Variants in MANBA observed in about 807,000 individuals in gnomAD.
MANBA encodes beta-mannosidase.
MANBA carries 83 observed loss-of-function variants against 111.1 expected under a neutral mutation model. The ratio of observed to expected loss-of-function variants is 0.75; its 90% CI spans 0.63 to 0.90. The LOEUF (loss-of-function observed/expected upper bound fraction) is 0.90. Ranked by LOEUF, MANBA falls within the 40% of genes least tolerant of loss-of-function variation. MANBA has a pLI of 0.00. For synonymous variants in MANBA, 370 were observed against 378.7 expected (o/e 0.98, Z 0.27); for missense variants, 1,036 against 1,069.0 (o/e 0.97, Z 0.43).
chr4:102,672,990 A>T (rs1300838110), intron 8 of MANBA, among the ~76,000 whole-genome samples: 1 of 151,800 alleles, frequency 6.6e-6, no homozygotes, highest in East Asian at 1.9e-4. Context: ...TCACTTATTT[A>T]CCATGAATCC....
chr4:102,681,253 G>T, intron 7 of MANBA, among the ~76,000 whole-genome samples: 1 of 152,138 alleles, frequency 6.6e-6, no homozygotes, highest in Non-Finnish European at 1.5e-5. Context: ...GGATAAGGTA[G>T]GAGGATCACT....
At chr4:102,692,241 A>G (rs1732512685) in intron 5 of MANBA, among the ~76,000 whole-genome samples, 1 of 152,180 alleles carries the variant, frequency 6.6e-6, no homozygotes, top group Non-Finnish European at 1.5e-5. Context: ...CACTTGGAAA[A>G]GCCAGGAACA....
chr4:102,657,995 A>G (rs1488116013), intron 11 of MANBA, 95 bp from the exon 12 acceptor site: 7 of 927,192 alleles, frequency 7.5e-6, no homozygotes, highest in Non-Finnish European at 1.2e-5. Context: ...AGTCCCTGAA[A>G]TGCCAAGTAG....
intron 16 of MANBA, 119 bp downstream of exon 16, chr4:102,634,669 C>T: frequency 7.3e-7 from 1 of 1,361,670 alleles, no homozygotes; most frequent in Non-Finnish European, 1.0e-6. Context: ...CCCCAGGCCT[C>T]AGGTAAACTC....
In MANBA at chr4:102,731,734, C is replaced by T. The variant is rs555911297; in HGVS notation, c.178-5051G>A. The stretch of plus-strand genomic sequence containing the variant: ...GACATGATGGAGACCATCTGGCCCT[C>T]GAGGTCTAAAATATTTAGTATTTAG... On this transcript the variant is annotated intron_variant, in intron 1 of 16. Transcript: ENST00000647097. 3.3e-5 allele frequency among the ~76,000 whole-genome samples: 5 copies of T among 152,170 alleles called. 1 individual carries two copies. Among genetic ancestry groups the T allele is most frequent in the Admixed American group, 6.5e-5 (1 of 15,290 alleles).
At chr4:102,739,454 T>C (rs1284451883) in intron 1 of MANBA, among the ~76,000 whole-genome samples, 2 of 152,140 alleles carry the variant, frequency 1.3e-5, no homozygotes, top group African/African-American at 2.4e-5. Flanking sequence ...AATAATTATA[T>C]GAAGCCAGTA....
intron 4 of MANBA, among the ~76,000 whole-genome samples, chr4:102,721,709 T>C (rs1322568860): frequency 6.6e-6 from 1 of 152,106 alleles, no homozygotes; most frequent in Admixed American, 6.5e-5. Flanking sequence ...TATATAACAT[T>C]TCTAGGGGAA....
At chr4:102,664,618 G>A (rs1407557184) in intron 11 of MANBA, 67 bp downstream of exon 11, 25 of 1,426,516 alleles carry the variant, frequency 1.8e-5, no homozygotes, top group South Asian at 1.6e-4. Context: ...GATTACAGGC[G>A]TGAGCCACCA....
intron 5 of MANBA, among the ~76,000 whole-genome samples, chr4:102,710,329 A>AC (rs1312602891): frequency 3.3e-5 from 5 of 152,202 alleles, no homozygotes; most frequent in Non-Finnish European, 5.9e-5. Flanking sequence ...ACACAAAGTC[A>AC]ACATACAAAA....
At chr4:102,674,244 A>G (rs1211068162) in intron 7 of MANBA, among the ~76,000 whole-genome samples, 174 bp from the exon 8 acceptor site, 1 of 152,202 alleles carries the variant, frequency 6.6e-6, no homozygotes, top group Admixed American at 6.5e-5. Flanking sequence ...ACACATATAA[A>G]TTATTGCTAG....
At position 102,640,265 on chromosome 4, in the gene MANBA, A is replaced by C. The variant is rs951401673; in HGVS notation, c.1870-408T>G. On this transcript the variant is annotated intron_variant, in intron 13 of 16. Transcript: ENST00000647097. ...ACCTTCATAGCTATTTTTAAGAAAA[A>C]CTTTTACTAGAAAAAATTCTATAAG... is the stretch of plus-strand genomic sequence containing the variant. Among the ~76,000 whole-genome samples, 9 of 152,216 alleles carry C rather than the reference A, an allele frequency of 5.9e-5. No individual in the cohort carries two copies. The South Asian group carries it at 1.9e-3, about 32-fold the overall frequency.
intron 12 of MANBA, among the ~76,000 whole-genome samples, chr4:102,655,526 A>T (rs1730521814): frequency 6.6e-6 from 1 of 152,214 alleles, no homozygotes; most frequent in Admixed American, 6.5e-5. Flanking sequence ...ATTGATTTTC[A>T]GGGCCAAAAG....
intron 13 of MANBA, among the ~76,000 whole-genome samples, chr4:102,640,969 G>GA (rs1729854704): frequency 6.6e-6 from 1 of 152,090 alleles, no homozygotes; most frequent in Admixed American, 6.6e-5. Context: ...ACCCCTGCCA[G>GA]AAAAAAATGA....
At chr4:102,656,359 C>T (rs1406778312) in intron 12 of MANBA, among the ~76,000 whole-genome samples, 1 of 152,038 alleles carries the variant, frequency 6.6e-6, no homozygotes, top group Non-Finnish European at 1.5e-5. Flanking sequence ...CATGATTAGC[C>T]ATCAAGGATA....
At chr4:102,727,455 G>T in intron 1 of MANBA, 2 of 1,430,006 alleles carry the variant, frequency 1.4e-6, no homozygotes, top group Non-Finnish European at 2.0e-6. Context: ...GGGTCTCAGA[G>T]CACTCCATCT....
At position 102,649,397 on chromosome 4, in the gene MANBA, C is replaced by T. The variant is rs1730233101; in HGVS notation, c.1869+1140G>A. Among the ~76,000 whole-genome samples, 3 of 152,160 alleles carry T rather than the reference C, an allele frequency of 2.0e-5. No individual in the cohort carries two copies. In the South Asian group the frequency reaches 6.2e-4, roughly 31 times the overall value. Reference sequence around the variant, plus strand: ...CAATGTCTAAAATTTCCAGCTGTCTCGCTTCCTCACCAGCAGTTGTTATTA... The same window carrying T: ...CAATGTCTAAAATTTCCAGCTGTCTTGCTTCCTCACCAGCAGTTGTTATTA... On this transcript the variant is annotated intron_variant, in intron 13 of 16. Coordinates refer to ENST00000647097, the MANE Select transcript of MANBA (RefSeq NM_005908.4).
chr4:102,751,912 A>G, intron 1 of MANBA: 1 of 628,814 alleles, frequency 1.6e-6, no homozygotes, highest in East Asian at 3.6e-5. Flanking sequence ...CTCTTATGGG[A>G]GTGGAATAGA....
At chr4:102,759,896 G>A (rs1387812530) in intron 1 of MANBA, among the ~76,000 whole-genome samples, 1 of 152,158 alleles carries the variant, frequency 6.6e-6, no homozygotes, top group Non-Finnish European at 1.5e-5. Context: ...ATTGGACAAT[G>A]TATGCATCCC....
At chr4:102,752,230 T>C (rs1294896272) in intron 1 of MANBA, 2 of 921,338 alleles carry the variant, frequency 2.2e-6, no homozygotes, top group African/African-American at 3.2e-5. Flanking sequence ...GAGTGTAGGA[T>C]GTTGAGTCTG....
Sources: allele counts gnomAD v4.1 joint callset (sites outside exome capture counted in the v4.1 genomes callset), GRCh38; gene constraint gnomAD v4.1.1; transcripts MANE v1.5; gene names NCBI Gene and HGNC (gene_info 2026-07-23, HGNC 2026-07-21).